Variants in FAM107B observed in about 807,000 individuals in gnomAD.
FAM107B encodes the protein family with sequence similarity 107 member B.
In FAM107B, 21 loss-of-function variants were observed where a neutral mutation model predicts 31.5. The ratio of observed to expected loss-of-function variants is 0.67; its 90% CI spans 0.47 to 0.96. FAM107B has a LOEUF of 0.96. Ranked by LOEUF, FAM107B falls within the 40% of genes least tolerant of loss-of-function variation. FAM107B has a pLI of 0.00. For missense variants in FAM107B, 452 were observed against 377.1 expected, an observed-to-expected ratio of 1.20 and a Z score of -1.64; for synonymous variants, 157 against 141.5, an observed-to-expected ratio of 1.11 and a Z score of -0.78.
intron 1 of FAM107B, among the ~76,000 whole-genome samples, chr10:14,726,250 C>T (rs1856033087): frequency 6.6e-6 from 1 of 152,204 alleles, no homozygotes; most frequent in Non-Finnish European, 1.5e-5. Context: ...GCCTCGGCCT[C>T]CCAAAGTACT....
chr10:14,729,063 A>T (rs1379076964), intron 1 of FAM107B, among the ~76,000 whole-genome samples: 1 of 152,004 alleles, frequency 6.6e-6, no homozygotes, highest in Non-Finnish European at 1.5e-5. Flanking sequence ...TGCATTCATA[A>T]CTCAATGCAG....
chr10:14,521,226 T>C lies in FAM107B; in HGVS notation c.885A>G (p.Arg295=), dbSNP rs1295220112. 3.7e-6 allele frequency: 6 copies of C among 1,614,168 alleles called. No individual in the cohort carries two copies. Among genetic ancestry groups the C allele is most frequent in the Non-Finnish European group, 4.2e-6 (5 of 1,180,010 alleles). Residue 295 remains arginine (R), a synonymous_variant, in exon 5 of 5, where the codon AGA becomes AGG. Transcript: ENST00000181796. ...GGGCTTGGGCGACTTCTTGGCCTGT[T>C]CTCCTGAGATTGCCTTTCACCTTCA... ...EFVKVKGNLR[R]TGQEVAQAQE... is the part of the protein sequence containing the mutation.
intron 1 of FAM107B, among the ~76,000 whole-genome samples, chr10:14,697,187 A>C (rs1234023564): frequency 6.6e-6 from 1 of 152,156 alleles, no homozygotes; most frequent in Non-Finnish European, 1.5e-5. Context: ...TCAGCCCCTT[A>C]AAGAGGAGCT....
At chr10:14,530,664 C>T (rs982642180) in intron 2 of FAM107B, 149 bp from the exon 3 acceptor site, 5 of 695,768 alleles carry the variant, frequency 7.2e-6, no homozygotes, top group Middle Eastern at 3.0e-4. Context: ...TATTCTAAAG[C>T]GCTTGGAATG....
intron 2 of FAM107B, among the ~76,000 whole-genome samples, chr10:14,596,217 C>A (rs1852184247): frequency 6.6e-6 from 1 of 151,228 alleles, no homozygotes; most frequent in Admixed American, 6.6e-5. Flanking sequence ...CTCGGAGGAG[C>A]CTCATCCTAA....
chr10:14,755,270 T>TGGGTATAGGAGAGTAGAACTACC (rs1341207700), intron 1 of FAM107B, among the ~76,000 whole-genome samples: 52 of 152,184 alleles, frequency 3.4e-4, no homozygotes, highest in Non-Finnish European at 6.5e-4. Context: ...AGGCCAGGGT[T>TGGGTATAGGAGAGTAGAACTACC]GGGTATAGGA....
intron 2 of FAM107B, chr10:14,571,889 G>A: frequency 1.0e-6 from 1 of 985,442 alleles, no homozygotes; most frequent in Non-Finnish European, 1.2e-6. Context: ...CAAGGCCTAA[G>A]TGACGAACGG....
chr10:14,584,679 G>A (rs1483043487), intron 2 of FAM107B, among the ~76,000 whole-genome samples: 2 of 152,262 alleles, frequency 1.3e-5, no homozygotes, highest in Middle Eastern at 3.4e-3. Flanking sequence ...CTGGAGGCAG[G>A]GAACCTAAGG....
At chr10:14,569,311 A>T (rs11259193) in intron 2 of FAM107B, among the ~76,000 whole-genome samples, 2 of 152,234 alleles carry the variant, frequency 1.3e-5, no homozygotes, top group East Asian at 3.9e-4. Flanking sequence ...AATAAAAGTC[A>T]GAAGGAAGAT....
chr10:14,598,340 T>A (rs985772599), intron 2 of FAM107B, among the ~76,000 whole-genome samples: 1 of 152,128 alleles, frequency 6.6e-6, no homozygotes, highest in Non-Finnish European at 1.5e-5. Flanking sequence ...GGTAAACACA[T>A]GTGGTAATAT....
At position 14,530,346 on chromosome 10, in the gene FAM107B, A is replaced by G; in HGVS notation, c.639T>C (p.Leu213=). ...RNHQDLHREL[L]MNQKRGLAPQ... is the part of the protein sequence containing the mutation. ...AACCATTTTACCTTTTTTGATTCAT[A>G]AGAAGTTCTCTGTGAAGATCTTGAT... Residue 213 remains leucine, a synonymous_variant, in exon 3 of 5, where the codon CTT becomes CTC. Coordinates refer to ENST00000181796, the MANE Select transcript of FAM107B (RefSeq NM_031453.4). 1.2e-6 allele frequency: 2 copies of G among 1,607,454 alleles called. No individual in the cohort carries two copies. Among genetic ancestry groups the G allele is most frequent in the Non-Finnish European group, 8.5e-7 (1 of 1,178,236 alleles).
chr10:14,601,947 G>A (rs12255197), intron 2 of FAM107B, among the ~76,000 whole-genome samples: 1,827 of 152,244 alleles, frequency 0.012, 39 homozygotes, highest in African/African-American at 0.041. Flanking sequence ...GAATGACGGC[G>A]TCCATCCTCC....
chr10:14,647,999 C>T (rs895487519), intron 2 of FAM107B, among the ~76,000 whole-genome samples: 85 of 136,686 alleles, frequency 6.2e-4, no homozygotes, highest in Non-Finnish European at 8.7e-4. Flanking sequence ...CCATTTTTAG[C>T]GGAAAAAAAA....
intron 1 of FAM107B, among the ~76,000 whole-genome samples, chr10:14,696,616 G>A (rs1855271873): frequency 1.3e-5 from 2 of 152,194 alleles, no homozygotes; most frequent in South Asian, 4.1e-4. Context: ...ATTCAGTCAT[G>A]AAATCATCTG....
Position 14,520,989 on chromosome 10 carries a change from G to T in FAM107B, c.*201C>A. 3.8e-6 allele frequency: 2 copies of T among 532,652 alleles called. No homozygotes were observed. Among genetic ancestry groups the T allele is most frequent in the Non-Finnish European group, 6.6e-6 (2 of 302,402 alleles). 33.0% of individuals were successfully genotyped at this position (532,652 alleles called of 1,614,324 possible). A position where few individuals can be genotyped will look rare whatever the true frequency, so the allele number is the denominator to read the frequency against. On this transcript the variant is annotated 3_prime_UTR_variant, in exon 5 of 5. Coordinates refer to ENST00000181796, the MANE Select transcript of FAM107B (RefSeq NM_031453.4). ...CATTCCAACTTACGTGCGGGGCACT[G>T]CCCTTCATTTGGCGAATAGGAACTG...
At chr10:14,761,282 C>T (rs1833042923) in intron 1 of FAM107B, among the ~76,000 whole-genome samples, 1 of 152,078 alleles carries the variant, frequency 6.6e-6, no homozygotes, top group Non-Finnish European at 1.5e-5. Context: ...GCCTTTGAGT[C>T]GCTTGTTGTT....
chr10:14,583,390 T>C (rs1851717313), intron 2 of FAM107B, among the ~76,000 whole-genome samples: 1 of 151,960 alleles, frequency 6.6e-6, no homozygotes, highest in African/African-American at 2.4e-5. Context: ...TGCTGCACCT[T>C]AGTGACAGAT....
At chr10:14,745,777 T>C (rs1454133193) in intron 1 of FAM107B, among the ~76,000 whole-genome samples, 1 of 152,186 alleles carries the variant, frequency 6.6e-6, no homozygotes, top group Non-Finnish European at 1.5e-5. Flanking sequence ...TATATTCTCT[T>C]CTTTTTGAGT....
intron 2 of FAM107B, chr10:14,604,147 A>G (rs1261821707): frequency 1.7e-5 from 9 of 538,802 alleles, no homozygotes; most frequent in Non-Finnish European, 1.9e-5. Context: ...GCCCGCCGAG[A>G]GGGTCCCCGG....
Sources: allele counts gnomAD v4.1 joint callset (sites outside exome capture counted in the v4.1 genomes callset), GRCh38; gene constraint gnomAD v4.1.1; transcripts MANE v1.5; gene names NCBI Gene and HGNC (gene_info 2026-07-23, HGNC 2026-07-21).